CDH13: variants seen among roughly 807,000 people sequenced by gnomAD.
The protein encoded by CDH13 is cadherin 13.
CDH13 carries 24 observed loss-of-function variants against 63.8 expected under a neutral mutation model. That is an observed-to-expected ratio of 0.38 (90% CI 0.27 to 0.53). CDH13 has a LOEUF of 0.53. Ranked by LOEUF, CDH13 falls within the 20% of genes least tolerant of loss-of-function variation. The probability of loss-of-function intolerance (pLI) is 0.85; values close to 1 mark genes in which losing one functional copy is unlikely to be tolerated. For missense variants in CDH13, 1,049 were observed against 903.1 expected, an observed-to-expected ratio of 1.16 and a Z score of -2.07; for synonymous variants, 503 against 355.3, an observed-to-expected ratio of 1.42 and a Z score of -4.67.
chr16:82,905,499 A>C lies in CDH13; in HGVS notation c.157+47026A>C, dbSNP rs2041613948. ...AATTTTTTCAGCAAATTAAAAACAA[A>C]GCCTAAGAAAAATGAGAACTTCCTG... is the stretch of plus-strand genomic sequence containing the variant. On this transcript the variant is annotated intron_variant, in intron 2 of 13. Coordinates refer to ENST00000567109, the MANE Select transcript of CDH13 (RefSeq NM_001257.5). 2.0e-5 allele frequency among the ~76,000 whole-genome samples: 3 copies of C among 152,058 alleles called. No homozygotes were observed. The South Asian group carries it at 6.2e-4, about 32-fold the overall frequency.
intron 7 of CDH13, among the ~76,000 whole-genome samples, chr16:83,595,678 C>T (rs1029982270): frequency 3.9e-5 from 6 of 152,158 alleles, no homozygotes; most frequent in African/African-American, 9.7e-5. Context: ...AAGAACCACA[C>T]CAAGTACATA....
At chr16:82,879,896 G>T (rs1038375720) in intron 2 of CDH13, among the ~76,000 whole-genome samples, 1 of 141,776 alleles carries the variant, frequency 7.1e-6, no homozygotes, top group Non-Finnish European at 1.5e-5. Flanking sequence ...TTTAGCTATA[G>T]AAATATATAT....
intron 8 of CDH13, among the ~76,000 whole-genome samples, chr16:83,664,740 C>G (rs1488917907): frequency 6.6e-6 from 1 of 152,010 alleles, no homozygotes; most frequent in Non-Finnish European, 1.5e-5. Flanking sequence ...ACTGAAATGA[C>G]CGTTACCTGG....
In CDH13 at chr16:83,795,050, C is replaced by G; in HGVS notation, c.*20C>G. On this transcript the variant is annotated 3_prime_UTR_variant, in exon 14 of 14. Coordinates refer to ENST00000567109, the MANE Select transcript of CDH13 (RefSeq NM_001257.5). ...CTGTGAGAACTCCTGACGTCTGAAG[C>G]TTGACTCCCAAGTTTCCATAGCAAC... 6.3e-7 allele frequency: 1 copy of G among 1,582,278 alleles called. No individual in the cohort carries two copies. Among genetic ancestry groups the G allele is most frequent in the Non-Finnish European group, 8.6e-7 (1 of 1,163,994 alleles).
At chr16:83,042,296 C>T (rs1415854115) in intron 3 of CDH13, among the ~76,000 whole-genome samples, 4 of 152,190 alleles carry the variant, frequency 2.6e-5, no homozygotes, top group Admixed American at 6.5e-5. Flanking sequence ...ACATTACTGC[C>T]TGAGCACTGC....
rs539939581 is a variant in CDH13 at position 83,097,207 on chromosome 16, A to G, written c.367-28178A>G. Among the ~76,000 whole-genome samples the G allele has an allele frequency of 5.3e-5, 8 of 152,290 alleles. No individual in the cohort carries two copies. In the South Asian group the frequency reaches 6.2e-4, roughly 12 times the overall value. On this transcript the variant is annotated intron_variant, in intron 3 of 13. Coordinates refer to ENST00000567109, the MANE Select transcript of CDH13 (RefSeq NM_001257.5). ...AAGCATTGAGTCTAACTGATATGAAACATTTCTGTATATGCCTAAGAACTT... is the reference window on the plus strand; with the variant it reads ...AAGCATTGAGTCTAACTGATATGAAGCATTTCTGTATATGCCTAAGAACTT...
chr16:83,371,296 C>A (rs943845893), intron 6 of CDH13, among the ~76,000 whole-genome samples: 2 of 152,226 alleles, frequency 1.3e-5, no homozygotes, highest in African/African-American at 2.4e-5. Context: ...CTCCTTCCTG[C>A]ATCTTCAGTC....
intron 2 of CDH13, among the ~76,000 whole-genome samples, chr16:83,008,814 G>C (rs1472268898): frequency 1.3e-5 from 2 of 152,134 alleles, no homozygotes; most frequent in African/African-American, 4.8e-5. Flanking sequence ...TGCTAATAAA[G>C]ACATGCCCAA....
chr16:83,719,507 C>G (rs753854835), intron 10 of CDH13, among the ~76,000 whole-genome samples: 1 of 152,150 alleles, frequency 6.6e-6, no homozygotes, highest in Admixed American at 6.5e-5. Context: ...AGCTCCAGGT[C>G]TTTTCCAGCG....
At chr16:82,887,590 G>A (rs1051646771) in intron 2 of CDH13, among the ~76,000 whole-genome samples, 18 of 152,288 alleles carry the variant, frequency 1.2e-4, no homozygotes, top group African/African-American at 4.1e-4. Flanking sequence ...GGAGGCCAAG[G>A]TGGGCAGATC....
chr16:83,557,549 C>T (rs922241775), intron 7 of CDH13, among the ~76,000 whole-genome samples: 11 of 152,060 alleles, frequency 7.2e-5, no homozygotes, highest in East Asian at 1.9e-4. Flanking sequence ...GTAAGCCTTT[C>T]GGAAATAGTA....
At chr16:82,663,552 A>G (rs191576805) in intron 1 of CDH13, among the ~76,000 whole-genome samples, 7 of 152,290 alleles carry the variant, frequency 4.6e-5, no homozygotes, top group Admixed American at 1.3e-4. Flanking sequence ...CACTGACCCT[A>G]GCCAGATCCC....
chr16:82,861,087 C>A (rs2039925052), intron 2 of CDH13, among the ~76,000 whole-genome samples: 1 of 152,116 alleles, frequency 6.6e-6, no homozygotes, highest in Non-Finnish European at 1.5e-5. Flanking sequence ...ACGAAAAGAA[C>A]CAAACAGAAC....
chr16:83,112,501 G>A (rs1276223624), intron 3 of CDH13, among the ~76,000 whole-genome samples: 1 of 152,206 alleles, frequency 6.6e-6, no homozygotes. Flanking sequence ...GTGTTTTTAG[G>A]TGTTTGTGGG....
chr16:82,837,873 G>A (rs2038836030), intron 1 of CDH13, among the ~76,000 whole-genome samples: 1 of 152,330 alleles, frequency 6.6e-6, no homozygotes, highest in African/African-American at 2.4e-5. Context: ...TATGGGCATG[G>A]GAATACTCTC....
chr16:83,606,636 A>G (rs548139655), intron 8 of CDH13, among the ~76,000 whole-genome samples: 1 of 151,508 alleles, frequency 6.6e-6, no homozygotes, highest in African/African-American at 2.4e-5. Flanking sequence ...CTGCGGTAGG[A>G]GGATCATTTG....
At chr16:82,639,396 G>C in intron 1 of CDH13, 1 of 1,535,580 alleles carries the variant, frequency 6.5e-7, no homozygotes, top group Non-Finnish European at 8.7e-7. Context: ...GGTTCCCCCA[G>C]CAAGAACATC....
chr16:83,751,257 G>C (rs138869517), intron 11 of CDH13, among the ~76,000 whole-genome samples: 1 of 152,220 alleles, frequency 6.6e-6, no homozygotes, highest in African/African-American at 2.4e-5. Flanking sequence ...CATGGACTTT[G>C]GCCTTGAAAA....
chr16:83,241,481 T>C (rs1904442318), intron 5 of CDH13, among the ~76,000 whole-genome samples: 1 of 152,250 alleles, frequency 6.6e-6, no homozygotes, highest in African/African-American at 2.4e-5. Context: ...CTTCATGTCT[T>C]TTCAATACTT....
Sources: allele counts gnomAD v4.1 joint callset (sites outside exome capture counted in the v4.1 genomes callset), GRCh38; gene constraint gnomAD v4.1.1; transcripts MANE v1.5; gene names NCBI Gene and HGNC (gene_info 2026-07-23, HGNC 2026-07-21).